Variants in FOCAD observed in about 807,000 individuals in gnomAD.
FOCAD encodes KIAA1797.
A neutral mutation model predicts 225.6 loss-of-function variants in FOCAD; 198 were observed. That is an observed-to-expected ratio of 0.88 (90% CI 0.78 to 0.99). The LOEUF (loss-of-function observed/expected upper bound fraction) is 0.99, where lower values mean the gene tolerates loss of function less well. Among genes scored for constraint, FOCAD ranks in the 50% least tolerant of loss-of-function variants. The pLI, the probability that FOCAD is intolerant of heterozygous loss-of-function variation, is 0.00. For synonymous variants in FOCAD, 897 were observed against 755.0 expected (o/e 1.19, Z -3.08); for missense variants, 2,713 against 2,123.6 (o/e 1.28, Z -5.46).
intron 15 of FOCAD, among the ~76,000 whole-genome samples, chr9:20,849,015 T>A (rs1827390570): frequency 6.6e-6 from 1 of 152,002 alleles, no homozygotes; most frequent in Non-Finnish European, 1.5e-5. Flanking sequence ...GCATTACTTC[T>A]CTGTACTCTC....
At chr9:20,895,268 C>T (rs1347576247) in intron 21 of FOCAD, among the ~76,000 whole-genome samples, 7 of 151,910 alleles carry the variant, frequency 4.6e-5, no homozygotes, top group Non-Finnish European at 8.8e-5. Flanking sequence ...TCCAACTTTG[C>T]TCTTCTTCAG....
intron 11 of FOCAD, among the ~76,000 whole-genome samples, chr9:20,804,902 T>A (rs1386315482): frequency 6.6e-6 from 1 of 152,202 alleles, no homozygotes; most frequent in Non-Finnish European, 1.5e-5. Flanking sequence ...ATTATTCTTT[T>A]CAGATCACTT....
chr9:20,839,414 G>A (rs945776018), intron 15 of FOCAD, among the ~76,000 whole-genome samples: 1 of 151,454 alleles, frequency 6.6e-6, no homozygotes, highest in East Asian at 1.9e-4. Flanking sequence ...GTGCAGACCC[G>A]TGCCTGACTA....
intron 15 of FOCAD, among the ~76,000 whole-genome samples, chr9:20,830,128 G>A (rs1055091854): frequency 2.0e-5 from 3 of 151,856 alleles, no homozygotes; most frequent in African/African-American, 7.2e-5. Context: ...TGTGTTTTTG[G>A]TGGTTGTGTT....
intron 1 of FOCAD, among the ~76,000 whole-genome samples, chr9:20,691,707 C>T (rs1173181888): frequency 6.6e-6 from 1 of 151,600 alleles, no homozygotes; most frequent in African/African-American, 2.4e-5. Flanking sequence ...GTCTCGATTT[C>T]CTAACCTCGT....
intron 40 of FOCAD, among the ~76,000 whole-genome samples, chr9:20,987,504 T>A (rs145855330): frequency 1.5e-3 from 230 of 150,704 alleles, no homozygotes; most frequent in African/African-American, 5.5e-3. Flanking sequence ...CGAGACTGCA[T>A]CTTGAAAAAA....
chr9:20,963,400 TG>T (rs974973588), intron 35 of FOCAD, among the ~76,000 whole-genome samples: 3 of 152,204 alleles, frequency 2.0e-5, no homozygotes, highest in Non-Finnish European at 2.9e-5. Context: ...ATATTTCACA[TG>T]GGGTCCTGGT....
At chr9:20,734,322 C>G (rs1226013179) in intron 4 of FOCAD, among the ~76,000 whole-genome samples, 1 of 152,170 alleles carries the variant, frequency 6.6e-6, no homozygotes, top group Non-Finnish European at 1.5e-5. Context: ...AAGTCAGATC[C>G]AGGTACATGG....
chr9:20,877,522 C>G (rs1830325959), intron 19 of FOCAD, among the ~76,000 whole-genome samples: 2 of 152,222 alleles, frequency 1.3e-5, no homozygotes, highest in African/African-American at 4.8e-5. Flanking sequence ...CTAACAACAG[C>G]CACAATCTAA....
intron 15 of FOCAD, among the ~76,000 whole-genome samples, chr9:20,833,176 C>T (rs1415071335): frequency 6.6e-6 from 1 of 151,948 alleles, no homozygotes. Flanking sequence ...TCTTATGTTT[C>T]TGATAATAGT....
intron 10 of FOCAD, among the ~76,000 whole-genome samples, chr9:20,782,338 A>G (rs550134642): frequency 6.6e-6 from 1 of 152,338 alleles, no homozygotes; most frequent in Non-Finnish European, 1.5e-5. Context: ...GGAAGTTCTC[A>G]TATCAGTAAG....
chr9:20,981,914 C>T (rs764937792), intron 38 of FOCAD, among the ~76,000 whole-genome samples: 2 of 152,052 alleles, frequency 1.3e-5, no homozygotes, highest in Non-Finnish European at 2.9e-5. Context: ...AGTGCTGCAC[C>T]AGGAAATTTG....
chr9:20,716,891 G>A (rs957532396), intron 2 of FOCAD, among the ~76,000 whole-genome samples: 3 of 152,128 alleles, frequency 2.0e-5, no homozygotes, highest in Non-Finnish European at 4.4e-5. Context: ...CTTATAAGAA[G>A]CACTGTATAT....
chr9:20,790,152 C>A (rs1820373657), intron 11 of FOCAD, among the ~76,000 whole-genome samples: 1 of 152,138 alleles, frequency 6.6e-6, no homozygotes, highest in Admixed American at 6.5e-5. Context: ...TTCTTCCTAA[C>A]TGCACAGAAC....
upstream of FOCAD, among the ~76,000 whole-genome samples, chr9:20,680,181 T>C: frequency 6.6e-6 from 1 of 152,242 alleles, no homozygotes; most frequent in East Asian, 1.9e-4. Context: ...GCAGAATCTT[T>C]TTCCTCCTGG....
intron 1 of FOCAD, among the ~76,000 whole-genome samples, chr9:20,701,142 A>T (rs1823909459): frequency 6.6e-6 from 1 of 152,184 alleles, no homozygotes; most frequent in Non-Finnish European, 1.5e-5. Context: ...CTCTCAAACC[A>T]TATCCTCATA....
chr9:20,955,184 T>G (rs151101919), intron 35 of FOCAD, among the ~76,000 whole-genome samples: 274 of 152,264 alleles, frequency 1.8e-3, no homozygotes, highest in African/African-American at 6.3e-3. Context: ...GATGGCATGG[T>G]TTCATTGTCT....
chr9:20,714,015 C>T (rs2039391), intron 1 of FOCAD, among the ~76,000 whole-genome samples: 130,812 of 152,188 alleles, frequency 0.86, 56,307 homozygotes, highest in Middle Eastern at 0.9. Flanking sequence ...ACATAGATGT[C>T]GAAGAAAAAT....
chr9:20,864,612 A>G (rs1006299569), intron 16 of FOCAD, among the ~76,000 whole-genome samples: 1 of 151,938 alleles, frequency 6.6e-6, no homozygotes, highest in Admixed American at 6.6e-5. Context: ...CGTTTATTCT[A>G]TTTTATACTA....
Sources: allele counts gnomAD v4.1 joint callset (sites outside exome capture counted in the v4.1 genomes callset), GRCh38; gene constraint gnomAD v4.1.1; transcripts MANE v1.5; gene names NCBI Gene and HGNC (gene_info 2026-07-23, HGNC 2026-07-21).